The following TBC1D5 variants were observed in gnomAD, a reference collection of about 807,000 sequenced individuals.
TBC1D5 encodes TBC1 domain family member 5.
Under a neutral mutation model 100.3 loss-of-function variants are expected in TBC1D5, and 75 were observed. The ratio of observed to expected loss-of-function variants is 0.75; its 90% confidence interval spans 0.62 to 0.91. The LOEUF (loss-of-function observed/expected upper bound fraction) is 0.91, where lower values mean the gene tolerates loss of function less well. Among genes scored for constraint, TBC1D5 ranks in the 40% least tolerant of loss-of-function variants. TBC1D5 has a pLI of 0.00. For missense variants in TBC1D5, 910 were observed against 942.4 expected (o/e 0.97, Z 0.45); for synonymous variants, 323 against 325.6 (o/e 0.99, Z 0.09).
rs1423257023 is a variant in TBC1D5, at chr3:17,480,088, C to T, written c.97+28386G>A. On this transcript the variant is annotated intron_variant, in intron 3 of 21. Coordinates refer to ENST00000253692, the Ensembl canonical transcript of TBC1D5. ...AAGCAAAGCTGTGGCTGAGTCCGGG[C>T]ACTATTACGACCCAGCTGGGTGTGC... 2.6e-5 allele frequency among the ~76,000 whole-genome samples: 4 copies of T among 152,312 alleles called. No homozygotes were observed. In the East Asian group the frequency reaches 7.7e-4, roughly 29 times the overall value.
intron 14 of TBC1D5, among the ~76,000 whole-genome samples, chr3:17,307,454 A>G (rs183493222): frequency 1.3e-5 from 2 of 152,232 alleles, no homozygotes; most frequent in East Asian, 3.8e-4. Context: ...TACAGACACC[A>G]TAACATACAT....
chr3:17,164,598 T>C (rs541571545), intron 21 of TBC1D5, among the ~76,000 whole-genome samples: 77 of 152,330 alleles, frequency 5.1e-4, no homozygotes, highest in African/African-American at 1.5e-3. Context: ...CGCATGTTCC[T>C]GGGGGTAGCC....
At chr3:17,210,177 T>A (rs1428341656) in intron 18 of TBC1D5, among the ~76,000 whole-genome samples, 2 of 151,850 alleles carry the variant, frequency 1.3e-5, no homozygotes, top group Non-Finnish European at 2.9e-5. Context: ...TTAGAAGTAA[T>A]TTTTTTTCAG....
intron 4 of TBC1D5, among the ~76,000 whole-genome samples, chr3:17,410,479 C>T (rs986437730): frequency 9.2e-5 from 14 of 152,086 alleles, no homozygotes; most frequent in African/African-American, 2.7e-4. Flanking sequence ...AAATACATTT[C>T]ATAGGCTACA....
chr3:17,647,639 C>T (rs2065134628), intron 1 of TBC1D5, among the ~76,000 whole-genome samples: 1 of 152,116 alleles, frequency 6.6e-6, no homozygotes, highest in South Asian at 2.1e-4. Flanking sequence ...GCCACTGTGA[C>T]TGCAGTAGGG....
Position 17,227,087 on chromosome 3 carries a change from A to G in TBC1D5, c.1588+11076T>C, listed in dbSNP as rs1478773527. On this transcript the variant is annotated intron_variant, in intron 17 of 21. Coordinates refer to ENST00000253692, the Ensembl canonical transcript of TBC1D5. Reference sequence around the variant, plus strand: ...ATACAGGGAATACAGACTTGTATACACACTAACCTACAACCCTAGGTAGCA... The same window carrying G: ...ATACAGGGAATACAGACTTGTATACGCACTAACCTACAACCCTAGGTAGCA... 2.0e-5 allele frequency among the ~76,000 whole-genome samples: 3 copies of G among 152,292 alleles called. No individual in the cohort carries two copies. The East Asian group carries it at 5.8e-4, about 29-fold the overall frequency.
At chr3:17,718,937 C>T (rs1000198934) in intron 1 of TBC1D5, among the ~76,000 whole-genome samples, 2 of 152,018 alleles carry the variant, frequency 1.3e-5, no homozygotes, top group African/African-American at 2.4e-5. Flanking sequence ...CACTACATAC[C>T]GAAAACACAC....
chr3:17,584,191 C>A (rs9754654), intron 2 of TBC1D5, among the ~76,000 whole-genome samples: 7,768 of 152,186 alleles, frequency 0.051, 631 homozygotes, highest in African/African-American at 0.17. Context: ...AGGGCTAAGG[C>A]AGAATTAAGA....
At chr3:17,588,741 A>C (rs2096748251) in intron 2 of TBC1D5, among the ~76,000 whole-genome samples, 1 of 152,234 alleles carries the variant, frequency 6.6e-6, no homozygotes, top group South Asian at 2.1e-4. Flanking sequence ...ACCAATTTTC[A>C]ATAAAATACT....
chr3:17,727,164 C>T (rs1318400298), intron 1 of TBC1D5, among the ~76,000 whole-genome samples: 4 of 152,206 alleles, frequency 2.6e-5, no homozygotes, highest in Admixed American at 6.5e-5. Context: ...AGGTGGATAA[C>T]GAGGTCAGGA....
At chr3:17,623,451 G>A (rs1009539872) in intron 2 of TBC1D5, among the ~76,000 whole-genome samples, 1 of 152,146 alleles carries the variant, frequency 6.6e-6, no homozygotes, top group African/African-American at 2.4e-5. Flanking sequence ...CACAAAAACT[G>A]AAGATACACT....
intron 8 of TBC1D5, among the ~76,000 whole-genome samples, chr3:17,399,789 C>A (rs915560473): frequency 6.6e-5 from 10 of 152,256 alleles, no homozygotes; most frequent in Middle Eastern, 6.8e-3. Context: ...GAACTGACTT[C>A]TTTTTGCTCC....
chr3:17,658,826 C>T (rs1476016201), intron 1 of TBC1D5, among the ~76,000 whole-genome samples: 3 of 152,172 alleles, frequency 2.0e-5, no homozygotes, highest in African/African-American at 7.2e-5. Flanking sequence ...CTACACCCCA[C>T]TAATTTTTGT....
intron 1 of TBC1D5, among the ~76,000 whole-genome samples, chr3:17,728,987 T>C (rs886342131): frequency 2.2e-5 from 1 of 45,680 alleles, no homozygotes; most frequent in Non-Finnish European, 4.4e-5. Context: ...GAGTTAAAGA[T>C]ACAATACTCA....
intron 15 of TBC1D5, among the ~76,000 whole-genome samples, chr3:17,277,318 C>G (rs2080125834): frequency 6.6e-6 from 1 of 152,210 alleles, no homozygotes; most frequent in Non-Finnish European, 1.5e-5. Flanking sequence ...ATCCTTTGAA[C>G]TGGCTCTTTT....
At chr3:17,701,994 C>T (rs546774748) in intron 1 of TBC1D5, among the ~76,000 whole-genome samples, 2 of 152,162 alleles carry the variant, frequency 1.3e-5, no homozygotes, top group South Asian at 2.1e-4. Flanking sequence ...TATACTGTCC[C>T]TACTGCCAAA....
chr3:17,702,173 A>C (rs903373076), intron 1 of TBC1D5: 1 of 152,148 alleles, frequency 6.6e-6, no homozygotes. Flanking sequence ...GAGCTATATA[A>C]TACTTTGGCA....
At chr3:17,284,141 A>G (rs7651043) in intron 15 of TBC1D5, among the ~76,000 whole-genome samples, 1,690 of 101,564 alleles carry the variant, frequency 0.017, 34 homozygotes, top group African/African-American at 0.061. Flanking sequence ...TAATTTAGAC[A>G]GAGTCTTGGT....
intron 13 of TBC1D5, among the ~76,000 whole-genome samples, chr3:17,339,649 A>T (rs1186533031): frequency 6.6e-6 from 1 of 152,274 alleles, no homozygotes; most frequent in Non-Finnish European, 1.5e-5. Flanking sequence ...CTATAAATAC[A>T]GCATTAGAAA....
Sources: allele counts gnomAD v4.1 joint callset (sites outside exome capture counted in the v4.1 genomes callset), GRCh38; gene constraint gnomAD v4.1.1; transcripts MANE v1.5; gene names NCBI Gene and HGNC (gene_info 2026-07-23, HGNC 2026-07-21).